Variants in PCDHGB3 observed in about 807,000 individuals in gnomAD.
The protein encoded by PCDHGB3 is protocadherin gamma subfamily B, 3.
PCDHGB3 carries 40 observed loss-of-function variants against 59.2 expected under a neutral mutation model. The ratio of observed to expected loss-of-function variants is 0.68; its 90% CI spans 0.52 to 0.88. The LOEUF is 0.88. PCDHGB3 is among the 40% of genes least tolerant of loss of function. The pLI is 0.00. For synonymous variants in PCDHGB3, 581 were observed against 503.6 expected (o/e 1.15, Z -2.06); for missense variants, 1,309 against 1,187.9 (o/e 1.10, Z -1.50).
In PCDHGB3 at chr5:141,505,380, A is replaced by C; in HGVS notation, c.2475-13A>C. On this transcript the variant is annotated splice_polypyrimidine_tract_variant and intron_variant, in intron 2 of 3. Coordinates refer to ENST00000576222, the MANE Select transcript of PCDHGB3 (RefSeq NM_018924.5). ...CCTGGGAGTCTGTGCTCACCATCCT[A>C]CTCTCTCCCCAGCTCCCAAAATGGC... 1 of 1,613,480 alleles carries C rather than the reference A, an allele frequency of 6.2e-7. No homozygotes were observed. Among genetic ancestry groups the C allele is most frequent in the Non-Finnish European group, 8.5e-7 (1 of 1,179,856 alleles).
intron 1 of PCDHGB3, chr5:141,419,231 C>G (rs1309708358): frequency 2.5e-6 from 4 of 1,614,026 alleles, no homozygotes; most frequent in Admixed American, 1.7e-5. Context: ...GTCAGCCTAC[C>G]TGGTCCACGT....
At chr5:141,471,654 G>A (rs1235665796) in intron 1 of PCDHGB3, 2 of 152,044 alleles carry the variant, frequency 1.3e-5, no homozygotes, top group South Asian at 2.1e-4. Flanking sequence ...CTGGATGTGG[G>A]GATGCAGAAA....
At chr5:141,454,875 T>G (rs2098805612) in intron 1 of PCDHGB3, among the ~76,000 whole-genome samples, 1 of 144,402 alleles carries the variant, frequency 6.9e-6, no homozygotes, top group African/African-American at 2.6e-5. Context: ...TGGCACGATC[T>G]TGGCTCACTG....
chr5:141,432,706 C>T lies in PCDHGB3; in HGVS notation c.2415+59897C>T, dbSNP rs761752571. ...GCCTCGTAGTGGCCGTCCAGGACCA[C>T]GGCCAGCCCCCTCTCTCCGCCACTG... On this transcript the variant is annotated intron_variant, in intron 1 of 3. Transcript: ENST00000576222. The surrounding 1 kb of genome is among the most constrained non-coding windows in gnomAD (Gnocchi z 6.0). 10 of 1,613,870 alleles carry T rather than the reference C, an allele frequency of 6.2e-6. No homozygotes were observed. The East Asian group carries it at 1.1e-4, about 18-fold the overall frequency.
Position 141,485,778 on chromosome 5 carries a change from G to C in PCDHGB3, c.2416-9029G>C. 1 of 1,614,216 alleles carries C rather than the reference G, an allele frequency of 6.2e-7. No homozygotes were observed. Among genetic ancestry groups the C allele is most frequent in the Non-Finnish European group, 8.5e-7 (1 of 1,180,048 alleles). On this transcript the variant is annotated intron_variant, in intron 1 of 3. Transcript: ENST00000576222. The surrounding 1 kb of genome is among the most constrained non-coding windows in gnomAD (Gnocchi z 5.7). ...CTGCTCCTGGAGAAGCCTTTGGATCGAGAGAAGCAATCGGACTACCGCCTG... is the reference window on the plus strand; with the variant it reads ...CTGCTCCTGGAGAAGCCTTTGGATCCAGAGAAGCAATCGGACTACCGCCTG...
At chr5:141,419,259 CG>C in intron 1 of PCDHGB3, 1 of 1,614,016 alleles carries the variant, frequency 6.2e-7, no homozygotes, top group Non-Finnish European at 8.5e-7. Context: ...AACAACCAGC[CG>C]GGTGCCTCCA....
Position 141,476,870 on chromosome 5 carries a change from C to T in PCDHGB3, c.2416-17937C>T, listed in dbSNP as rs2099400432. 3 of 1,613,772 alleles carry T rather than the reference C, an allele frequency of 1.9e-6. No individual in the cohort carries two copies. Among genetic ancestry groups the T allele is most frequent in the South Asian group, 1.1e-5 (1 of 91,094 alleles). On this transcript the variant is annotated intron_variant, in intron 1 of 3. Coordinates refer to ENST00000576222, the MANE Select transcript of PCDHGB3 (RefSeq NM_018924.5). The surrounding 1 kb of genome is among the most constrained non-coding windows in gnomAD (Gnocchi z 7.6). ...CTTCAACCAGTCCTTGTACCGGGCGCGCGTCCTGGAGGATGCACCCTCCGG... is the reference window on the plus strand; with the variant it reads ...CTTCAACCAGTCCTTGTACCGGGCGTGCGTCCTGGAGGATGCACCCTCCGG...
At chr5:141,456,912 G>A (rs566842808) in intron 1 of PCDHGB3, among the ~76,000 whole-genome samples, 2 of 152,206 alleles carry the variant, frequency 1.3e-5, no homozygotes, top group South Asian at 2.1e-4. Context: ...GCAGTGAGCC[G>A]AGATCGCACC....
At chr5:141,460,842 C>T (rs1339558359) in intron 1 of PCDHGB3, among the ~76,000 whole-genome samples, 2 of 150,412 alleles carry the variant, frequency 1.3e-5, no homozygotes, top group African/African-American at 2.4e-5. Flanking sequence ...GTAATGGCCT[C>T]CAGTTCGATC....
chr5:141,501,333 A>ACACACACC (rs1186649373), intron 2 of PCDHGB3, among the ~76,000 whole-genome samples: 1 of 140,020 alleles, frequency 7.1e-6, no homozygotes, highest in African/African-American at 2.6e-5. Context: ...ACACACACAC[A>ACACACACC]CCCCAAACTC....
intron 1 of PCDHGB3, chr5:141,414,287 C>G: frequency 6.2e-7 from 1 of 1,613,434 alleles, no homozygotes; most frequent in Non-Finnish European, 8.5e-7. Flanking sequence ...ACAGTCGTAG[C>G]CCTTTTAAAT....
Position 141,431,953 on chromosome 5 carries a change from C to G in PCDHGB3, c.2415+59144C>G. 1.2e-6 allele frequency: 2 copies of G among 1,614,082 alleles called. No individual in the cohort carries two copies. Among genetic ancestry groups the G allele is most frequent in the East Asian group, 4.5e-5 (2 of 44,886 alleles). ...TGCCCTTTAAATTAGAAAAATCTTA[C>G]GGAAATTACTATAGTTTAGTCACAG... On this transcript the variant is annotated intron_variant, in intron 1 of 3. Transcript: ENST00000576222. The surrounding 1 kb of genome is among the most constrained non-coding windows in gnomAD (Gnocchi z 4.8).
At position 141,486,257 on chromosome 5, in the gene PCDHGB3, A is replaced by C; in HGVS notation, c.2416-8550A>C. 6.2e-7 allele frequency: 1 copy of C among 1,614,032 alleles called. No individual in the cohort carries two copies. The highest frequency in any genetic ancestry group is 8.5e-7 in the Non-Finnish European group (1 of 1,179,982). On this transcript the variant is annotated intron_variant, in intron 1 of 3. Transcript: ENST00000576222. The surrounding 1 kb of genome is among the most constrained non-coding windows in gnomAD (Gnocchi z 5.0). ...CTCAGAGCTTGGAACCCTCCCCGAG[A>C]GTGCAGAACCTGGCACTGTGGTGGC... is the stretch of plus-strand genomic sequence containing the variant.
intron 1 of PCDHGB3, chr5:141,423,623 C>T (rs1391650851): frequency 6.2e-7 from 1 of 1,607,330 alleles, no homozygotes; most frequent in South Asian, 1.1e-5. Context: ...GAAGACTCAG[C>T]TATCATTTTA....
rs181808735 is a variant in PCDHGB3, at chr5:141,371,462, A to G, written c.1068A>G (p.Ile356Met). The G allele has an allele frequency of 1.8e-5, 29 of 1,613,988 alleles. No homozygotes were observed. The highest frequency in any genetic ancestry group is 3.3e-5 in the Admixed American group (2 of 60,020). ...EITLASESQH[I>M]QEDAELGTAV... ...CCCTGGCTTCTGAATCCCAACATAT[A>G]CAAGAAGATGCTGAGCTGGGGACTG... Residue 356 changes from isoleucine (I) to methionine (M), a missense_variant, in exon 1 of 4, where the codon ATA (isoleucine) becomes ATG (methionine). By Grantham distance (10) the Ile-to-Met change is conservative. Coordinates refer to ENST00000576222, the MANE Select transcript of PCDHGB3 (RefSeq NM_018924.5).
chr5:141,505,294 G>A, intron 2 of PCDHGB3, 99 bp from the exon 3 acceptor site: 1 of 1,572,086 alleles, frequency 6.4e-7, no homozygotes, highest in Non-Finnish European at 8.6e-7. Flanking sequence ...GCATGGGGTA[G>A]GGTTAGGGTA....
chr5:141,510,291 A>AG (rs903726285), intron 3 of PCDHGB3, among the ~76,000 whole-genome samples: 1 of 150,450 alleles, frequency 6.6e-6, no homozygotes, highest in African/African-American at 2.4e-5. Context: ...AAAAAAAAAA[A>AG]TGCTGTTTTG....
chr5:141,403,616 C>T (rs2094434764), intron 1 of PCDHGB3: 1 of 1,613,774 alleles, frequency 6.2e-7, no homozygotes, highest in South Asian at 1.1e-5. Flanking sequence ...CGAGCCGCGT[C>T]GCTCCAGCAC....
At chr5:141,424,712 G>A (rs2096836283) in intron 1 of PCDHGB3, 1 of 152,126 alleles carries the variant, frequency 6.6e-6, no homozygotes, top group Non-Finnish European at 1.5e-5. Context: ...CATTTTCAGT[G>A]TAGTTGGGAG....
Sources: gnomAD v4.1 joint callset for allele counts (sites outside exome capture counted in the v4.1 genomes callset) on GRCh38, gnomAD v4.1.1 for gene constraint, Gnocchi (gnomAD v3.1) non-coding constraint, MANE v1.5 for transcripts, NCBI Gene and HGNC (gene_info 2026-07-23, HGNC 2026-07-21) for gene names.